NOLC1: variants seen among roughly 807,000 people sequenced by gnomAD.
NOLC1 encodes 140 kDa nucleolar phosphoprotein.
A neutral mutation model predicts 73.4 loss-of-function variants in NOLC1; 37 were observed. The observed-to-expected ratio is 0.50, with a 90% confidence interval of 0.39 to 0.66. The LOEUF (loss-of-function observed/expected upper bound fraction) is 0.66, where lower values mean the gene tolerates loss of function less well. Among genes scored for constraint, NOLC1 ranks in the 30% least tolerant of loss-of-function variants. The pLI, the probability that NOLC1 is intolerant of heterozygous loss-of-function variation, is 0.00. For synonymous variants in NOLC1, 327 were observed against 302.6 expected, an observed-to-expected ratio of 1.08 and a Z score of -0.84; for missense variants, 921 against 838.9, an observed-to-expected ratio of 1.10 and a Z score of -1.21.
At position 102,162,493 on chromosome 10, in the gene NOLC1, A is replaced by G. The variant is rs1301870987; in HGVS notation, c.*224A>G. On this transcript the variant is annotated 3_prime_UTR_variant, in exon 13 of 13. Transcript: ENST00000605788. Reference sequence around the variant, plus strand: ...TTGAGTAGCAGGGACAAAATAAGGGAATGTTATTTTTTAAGAAAATTCATT... The same window carrying G: ...TTGAGTAGCAGGGACAAAATAAGGGGATGTTATTTTTTAAGAAAATTCATT... 2 of 373,148 alleles carry G rather than the reference A, an allele frequency of 5.4e-6. No individual in the cohort carries two copies. Among genetic ancestry groups the G allele is most frequent in the East Asian group, 8.1e-5 (2 of 24,806 alleles). The allele number at this position is 373,148 out of a possible 1,614,324, so 23.1% of individuals were successfully genotyped here.
At chr10:102,154,219 G>A (rs1043352057) in intron 1 of NOLC1, among the ~76,000 whole-genome samples, 5 of 149,084 alleles carry the variant, frequency 3.4e-5, no homozygotes, top group Non-Finnish European at 5.9e-5. Context: ...CTACAGGTGT[G>A]CCCCACCATG....
intron 10 of NOLC1, 117 bp downstream of exon 10, chr10:102,161,210 C>A (rs917348478): frequency 4.1e-4 from 444 of 1,084,612 alleles, no homozygotes; most frequent in Non-Finnish European, 5.4e-4. Flanking sequence ...GTTGTGGAAA[C>A]TGGGAGGAAG....
intron 7 of NOLC1, 105 bp downstream of exon 7, chr10:102,159,673 CAGCT>C: frequency 8.0e-7 from 1 of 1,247,126 alleles, no homozygotes; most frequent in South Asian, 1.5e-5. Flanking sequence ...CATGACATGA[CAGCT>C]AGCTTCTCCG....
chr10:102,158,098 C>T lies in NOLC1; in HGVS notation c.491C>T (p.Ala164Val), dbSNP rs1165098396. The change falls in exon 5 of 13, where the codon GCC becomes GTC. Residue 164 changes from alanine to valine, a missense_variant. Ala to Val is a moderately conservative substitution (Grantham distance 64, BLOSUM62 0). Coordinates refer to ENST00000605788, the MANE Select transcript of NOLC1 (RefSeq NM_004741.5). Reference sequence around the variant, plus strand: ...GCAGCCAAAGCTCCTCCTAAGAAGGCCAAGAGCTCTGATTCTGATTCTGAC... The same window carrying T: ...GCAGCCAAAGCTCCTCCTAAGAAGGTCAAGAGCTCTGATTCTGATTCTGAC... ...AKAAKAPPKK[A>V]KSSDSDSDSS... 5.6e-6 allele frequency: 9 copies of T among 1,613,972 alleles called. No homozygotes were observed. Among genetic ancestry groups the T allele is most frequent in the Non-Finnish European group, 7.6e-6 (9 of 1,179,980 alleles).
At position 102,162,973 on chromosome 10, in the gene NOLC1, T is replaced by G. The variant is rs1349021807; in HGVS notation, c.*704T>G. ...TTCTGAATATATTTTTTTCTGTAAT[T>G]TTATCATTACACGATGTTTGCAATA... On this transcript the variant is annotated 3_prime_UTR_variant, in exon 13 of 13. Coordinates refer to ENST00000605788, the MANE Select transcript of NOLC1 (RefSeq NM_004741.5). The G allele has an allele frequency of 6.6e-6, 1 of 152,222 alleles. No individual in the cohort carries two copies. Among genetic ancestry groups the G allele is most frequent in the African/African-American group, 2.4e-5 (1 of 41,456 alleles). 9.4% of individuals were successfully genotyped at this position (152,222 alleles called of 1,614,324 possible).
intron 1 of NOLC1, 39 bp downstream of exon 1, chr10:102,152,569 AC>A (rs771573999): frequency 1.2e-6 from 2 of 1,611,610 alleles, no homozygotes; most frequent in African/African-American, 2.7e-5. Flanking sequence ...GGCTGAGATG[AC>A]CACAAGGCTT....
Position 102,161,068 on chromosome 10 carries a change from G to A in NOLC1, c.1716G>A (p.Lys572=), listed in dbSNP as rs779970796. ...NSEEEEEEKK[K]AAVVVSKSGS... ...AGGAGGAGGAAGAAGAAAAGAAAAA[G>A]GCGGCAGTGGTAGTTTCCAAATCAG... Residue 572 remains lysine (K), a synonymous_variant, in exon 10 of 13, where the codon AAG becomes AAA. Transcript: ENST00000605788. 8.7e-6 allele frequency: 14 copies of A among 1,609,158 alleles called. No homozygotes were observed. Among genetic ancestry groups the A allele is most frequent in the Non-Finnish European group, 1.2e-5 (14 of 1,179,110 alleles).
rs747510729 is a variant in NOLC1, at chr10:102,160,685, A to T, written c.1333A>T (p.Thr445Ser). The T allele has an allele frequency of 1.5e-5, 25 of 1,614,078 alleles. No homozygotes were observed. Among genetic ancestry groups the T allele is most frequent in the Non-Finnish European group, 2.1e-5 (25 of 1,179,956 alleles). ...EEKTKKMVAT[T>S]KPKATAKAAL... is the part of the protein sequence containing the mutation. ...GAAGACAAAGAAGATGGTGGCCACC[A>T]CTAAGCCCAAGGCGACTGCCAAAGC... Residue 445 changes from threonine to serine, a missense_variant, in exon 10 of 13, where the codon ACT becomes TCT. Physicochemically the swap from Thr to Ser is moderately conservative, Grantham distance 58. Coordinates refer to ENST00000605788, the MANE Select transcript of NOLC1 (RefSeq NM_004741.5).
chr10:102,152,461 C>G lies in NOLC1; in HGVS notation c.51C>G (p.Leu17=). Residue 17 remains leucine (L), a synonymous_variant, in exon 1 of 13, where the codon CTC becomes CTG. Coordinates refer to ENST00000605788, the MANE Select transcript of NOLC1 (RefSeq NM_004741.5). ...RRVVPSDLYP[L]VLGFLRDNQL... ...TGGTTCCCAGCGACCTGTATCCCCT[C>G]GTGCTCGGCTTCCTGCGCGATAACC... 1 of 1,613,500 alleles carries G rather than the reference C, an allele frequency of 6.2e-7. No homozygotes were observed. Among genetic ancestry groups the G allele is most frequent in the Non-Finnish European group, 8.5e-7 (1 of 1,180,032 alleles).
chr10:102,154,238 A>ATTTTTTT (rs71016366), intron 1 of NOLC1, among the ~76,000 whole-genome samples: 2 of 126,412 alleles, frequency 1.6e-5, no homozygotes, highest in Non-Finnish European at 1.7e-5. Flanking sequence ...TGCCTGGCTA[A>ATTTTTTT]TTTTTTTTTT....
At chr10:102,158,294 A>G (rs957288728) in intron 5 of NOLC1, 80 bp downstream of exon 5, 1 of 1,293,578 alleles carries the variant, frequency 7.7e-7, no homozygotes, top group Non-Finnish European at 1.1e-6. Flanking sequence ...GATTTGGCAC[A>G]GGGGTGAAAT....
Position 102,159,235 on chromosome 10 carries a change from G to A in NOLC1, c.650G>A (p.Ser217Asn). Residue 217 changes from serine (S) to asparagine (N), a missense_variant, in exon 6 of 13, where the codon AGC (serine) becomes AAC (asparagine). Physicochemically the swap from Ser to Asn is conservative, Grantham distance 46. Coordinates refer to ENST00000605788, the MANE Select transcript of NOLC1 (RefSeq NM_004741.5). ...ATAGCCAATGGTAAAGCAGCCAGTA[G>A]CAGCAGTAGCAGCAGCAGCAGCAGT... ...PKIANGKAAS[S>N]SSSSSSSSSS... 1 of 1,613,228 alleles carries A rather than the reference G, an allele frequency of 6.2e-7. No individual in the cohort carries two copies. The highest frequency in any genetic ancestry group is 8.5e-7 in the Non-Finnish European group (1 of 1,179,324).
chr10:102,159,663 C>A, intron 7 of NOLC1, 95 bp downstream of exon 7: 1 of 1,301,380 alleles, frequency 7.7e-7, no homozygotes, highest in East Asian at 2.5e-5. Flanking sequence ...TGAGCGTCCT[C>A]ATGACATGAC....
rs1203529537 is a variant in NOLC1 at position 102,152,624 on chromosome 10, G to C, written c.120+94G>C. The C allele has an allele frequency of 1.4e-5, 22 of 1,549,244 alleles. No individual in the cohort carries two copies. In the South Asian group the frequency reaches 2.3e-4, roughly 16 times the overall value. ...GGTTTCCAGGTGGGGAAGTCTGGGGGTCCGCCAGTCCAGTGTCTGCAAGGC... is the reference window on the plus strand; with the variant it reads ...GGTTTCCAGGTGGGGAAGTCTGGGGCTCCGCCAGTCCAGTGTCTGCAAGGC... On this transcript the variant is annotated intron_variant, in intron 1 of 12. Coordinates refer to ENST00000605788, the MANE Select transcript of NOLC1 (RefSeq NM_004741.5).
intron 1 of NOLC1, among the ~76,000 whole-genome samples, chr10:102,153,880 C>T (rs1230595890): frequency 6.6e-6 from 1 of 151,270 alleles, no homozygotes; most frequent in African/African-American, 2.4e-5. Flanking sequence ...ACCATGTTGG[C>T]CAGGCTGGTC....
Position 102,157,328 on chromosome 10 carries a change from G to A in NOLC1, c.316G>A (p.Ala106Thr), listed in dbSNP as rs1800426897. 6.2e-7 allele frequency: 1 copy of A among 1,613,866 alleles called. No individual in the cohort carries two copies. The highest frequency in any genetic ancestry group is 8.5e-7 in the Non-Finnish European group (1 of 1,179,844). Residue 106 changes from alanine (A) to threonine (T), a missense_variant and splice_region_variant, in exon 3 of 13, where the codon GCT (alanine) becomes ACT (threonine). Coordinates refer to ENST00000605788, the MANE Select transcript of NOLC1 (RefSeq NM_004741.5). ...TCAAGGGCCTCCAGCAAAGAAGGCTGGTAAGGCAGAGTAGCAGGTGGGCTT... is the reference window on the plus strand; with the variant it reads ...TCAAGGGCCTCCAGCAAAGAAGGCTAGTAAGGCAGAGTAGCAGGTGGGCTT... ...EVQGPPAKKA[A>T]VPAKRVGLPP...
intron 1 of NOLC1, among the ~76,000 whole-genome samples, chr10:102,155,186 C>A (rs543245828): frequency 6.6e-6 from 1 of 151,558 alleles, no homozygotes; most frequent in East Asian, 2.0e-4. Context: ...CCACCACGCC[C>A]AGCTAATTTT....
At chr10:102,161,134 C>G in intron 10 of NOLC1, 41 bp downstream of exon 10, 2 of 1,549,586 alleles carry the variant, frequency 1.3e-6, no homozygotes, top group Admixed American at 3.9e-5. Context: ...TTTGTCCCCC[C>G]AAATCAGGAT....
At position 102,162,106 on chromosome 10, in the gene NOLC1, A is replaced by T. The variant is rs1024501538; in HGVS notation, c.1942-5A>T. ...TCTGTGTTAATCTCCCTCTCTACTT[A>T]CCAGCGAGGTGCAGCCGGAGACTGG... On this transcript the variant is annotated splice_region_variant and splice_polypyrimidine_tract_variant and intron_variant, in intron 12 of 12. Coordinates refer to ENST00000605788, the MANE Select transcript of NOLC1 (RefSeq NM_004741.5). 2.5e-6 allele frequency: 4 copies of T among 1,613,318 alleles called. No homozygotes were observed. In the African/African-American group the frequency reaches 4.0e-5, roughly 16 times the overall value.
Sources: gnomAD v4.1 joint callset for allele counts (sites outside exome capture counted in the v4.1 genomes callset) on GRCh38, gnomAD v4.1.1 for gene constraint, MANE v1.5 for transcripts, NCBI Gene and HGNC (gene_info 2026-07-23, HGNC 2026-07-21) for gene names.